NEK11: variants seen among roughly 807,000 people sequenced by gnomAD.
NEK11 encodes the protein serine/threonine-protein kinase Nek11.
Under a neutral mutation model 80.7 loss-of-function variants are expected in NEK11, and 72 were observed. That is an observed-to-expected ratio of 0.89 (90% CI 0.74 to 1.08). NEK11 has a LOEUF of 1.08. NEK11 is among the 50% of genes least tolerant of loss of function. The pLI is 0.00. For missense variants in NEK11, 764 were observed against 763.6 expected (o/e 1.00, Z -0.01); for synonymous variants, 251 against 260.7 (o/e 0.96, Z 0.36).
At chr3:131,165,190 C>T (rs2092085704) in intron 11 of NEK11, 3 of 431,614 alleles carry the variant, frequency 7.0e-6, no homozygotes, top group Non-Finnish European at 1.3e-5. Context: ...CCTTCTCCTG[C>T]TGCTGCATTT....
At chr3:131,119,702 T>C (rs991941941) in intron 5 of NEK11, among the ~76,000 whole-genome samples, 2 of 152,256 alleles carry the variant, frequency 1.3e-5, no homozygotes, top group Non-Finnish European at 2.9e-5. Context: ...TCTTGTTGCA[T>C]TGATCCATTT....
intron 16 of NEK11, among the ~76,000 whole-genome samples, chr3:131,244,112 A>T (rs1415818326): frequency 6.6e-6 from 1 of 151,960 alleles, no homozygotes; most frequent in Non-Finnish European, 1.5e-5. Context: ...TTTTTCTTCT[A>T]AATTTGATTA....
At chr3:131,084,977 A>AT (rs2149077590) in intron 4 of NEK11, among the ~76,000 whole-genome samples, 1 of 152,342 alleles carries the variant, frequency 6.6e-6, no homozygotes, top group Admixed American at 6.5e-5. Context: ...TAAAGGAAAA[A>AT]TTTGTCATTA....
At chr3:131,199,033 G>A (rs1027212702) in intron 14 of NEK11, among the ~76,000 whole-genome samples, 7 of 152,168 alleles carry the variant, frequency 4.6e-5, no homozygotes, top group African/African-American at 1.4e-4. Context: ...TTGCCCCTAC[G>A]TATTTAACCT....
At chr3:131,164,646 T>G (rs2092026272) in intron 11 of NEK11, among the ~76,000 whole-genome samples, 1 of 152,208 alleles carries the variant, frequency 6.6e-6, no homozygotes, top group South Asian at 2.1e-4. Flanking sequence ...ATCTTTCACA[T>G]GATACACTAA....
chr3:131,284,944 GT>G (rs1289518536), intron 17 of NEK11, among the ~76,000 whole-genome samples: 1 of 152,170 alleles, frequency 6.6e-6, no homozygotes, highest in African/African-American at 2.4e-5. Flanking sequence ...CCTTGTGACT[GT>G]GTAAGTCAAT....
intron 17 of NEK11, among the ~76,000 whole-genome samples, chr3:131,331,873 G>A (rs535777689): frequency 5.9e-5 from 9 of 152,062 alleles, no homozygotes; most frequent in Non-Finnish European, 1.2e-4. Context: ...TAGCACAGCG[G>A]TCTGAGATCA....
intron 5 of NEK11, among the ~76,000 whole-genome samples, chr3:131,115,998 T>TTCTTTCTTTCTTTCTTTCTTTA (rs2081163507): frequency 7.3e-6 from 1 of 137,550 alleles, no homozygotes; most frequent in Non-Finnish European, 1.6e-5. Flanking sequence ...TTATTATACT[T>TTCTTTCTTTCTTTCTTTCTTTA]TAAGTTCTAG....
intron 5 of NEK11, among the ~76,000 whole-genome samples, chr3:131,128,126 C>T (rs1343892508): frequency 6.6e-6 from 1 of 152,200 alleles, no homozygotes; most frequent in Non-Finnish European, 1.5e-5. Context: ...TGCTACCAGT[C>T]ATACATTTGT....
At chr3:131,168,808 G>T in intron 12 of NEK11, 22 bp from the exon 13 acceptor site, 1 of 1,582,680 alleles carries the variant, frequency 6.3e-7, no homozygotes, top group South Asian at 1.1e-5. Flanking sequence ...CTGCTGAACA[G>T]ACTTTGTCAT....
At chr3:131,257,634 T>A (rs1378887153) in intron 16 of NEK11, among the ~76,000 whole-genome samples, 1 of 152,158 alleles carries the variant, frequency 6.6e-6, no homozygotes, top group Non-Finnish European at 1.5e-5. Flanking sequence ...CAATTTATCT[T>A]CTGTTCTGCT....
At chr3:131,338,528 C>T (rs2110300630) in intron 17 of NEK11, among the ~76,000 whole-genome samples, 1 of 152,210 alleles carries the variant, frequency 6.6e-6, no homozygotes. Flanking sequence ...TATGTCCACA[C>T]AAAAACCTAC....
intron 3 of NEK11, among the ~76,000 whole-genome samples, chr3:131,033,966 G>A (rs1036131458): frequency 6.6e-6 from 1 of 152,112 alleles, no homozygotes; most frequent in Non-Finnish European, 1.5e-5. Flanking sequence ...AACAATATTT[G>A]AGAATATTTT....
At chr3:131,183,350 T>G (rs146062255) in intron 14 of NEK11, among the ~76,000 whole-genome samples, 1,941 of 152,294 alleles carry the variant, frequency 0.013, 50 homozygotes, top group African/African-American at 0.045. Flanking sequence ...AGTAAACATG[T>G]GCCATGGTGG....
intron 17 of NEK11, among the ~76,000 whole-genome samples, chr3:131,333,070 C>T (rs2097120814): frequency 1.3e-5 from 2 of 152,286 alleles, no homozygotes; most frequent in South Asian, 4.1e-4. Flanking sequence ...AGAACTTCCC[C>T]AATCTAGCAA....
intron 17 of NEK11, among the ~76,000 whole-genome samples, chr3:131,305,888 C>A (rs546488916): frequency 2.0e-4 from 31 of 152,238 alleles, no homozygotes; most frequent in Non-Finnish European, 4.3e-4. Flanking sequence ...TCAATGCCTT[C>A]TCTCCAAAGA....
chr3:131,125,696 C>G (rs2083213251), intron 5 of NEK11, among the ~76,000 whole-genome samples: 1 of 152,092 alleles, frequency 6.6e-6, no homozygotes, highest in Non-Finnish European at 1.5e-5. Context: ...ATCTAGTTGG[C>G]ACTCAATAAT....
rs59934459 is a variant in NEK11, at chr3:131,255,050, G to GAGACAGACAGAC, written c.1621+11566_1621+11577dup. Among the ~76,000 whole-genome samples, 1,282 of 132,598 alleles carry GAGACAGACAGAC rather than the reference G, an allele frequency of 9.7e-3. 15 individuals are homozygous for GAGACAGACAGAC. The highest frequency in any genetic ancestry group is 0.015 in the Middle Eastern group (4 of 266). 87.0% of individuals were successfully genotyped at this position (132,598 alleles called of 152,430 possible). On this transcript the variant is annotated intron_variant, in intron 16 of 17. Coordinates refer to ENST00000383366, the MANE Select transcript of NEK11 (RefSeq NM_024800.5). ...AGAAAGAAAGAGAGAGAGAGAGAGAGAGACAGACAGACAGACAGACAGAAA... is the reference window on the plus strand; with the variant it reads ...AGAAAGAAAGAGAGAGAGAGAGAGAGAGACAGACAGACAGACAGACAGACAGACAGACAGAAA...
chr3:131,257,076 C>T (rs2108398569), intron 16 of NEK11, among the ~76,000 whole-genome samples: 2 of 152,146 alleles, frequency 1.3e-5, no homozygotes, highest in South Asian at 4.2e-4. Flanking sequence ...CCTTGACCTC[C>T]TGGGCTCAGG....
Sources: allele counts gnomAD v4.1 joint callset (sites outside exome capture counted in the v4.1 genomes callset), GRCh38; gene constraint gnomAD v4.1.1; transcripts MANE v1.5; gene names NCBI Gene and HGNC (gene_info 2026-07-23, HGNC 2026-07-21).